Variants in HTR2C observed in about 807,000 individuals in gnomAD.
HTR2C encodes 5-hydroxytryptamine receptor 2C, also known as 5-hydroxytryptamine (serotonin) receptor 2C, G protein-coupled.
In HTR2C, 5 loss-of-function variants were observed where a neutral mutation model predicts 21.0. The ratio of observed to expected loss-of-function variants is 0.24; its 90% CI spans 0.12 to 0.50. HTR2C has a LOEUF of 0.50. HTR2C is among the 20% of genes least tolerant of loss of function. The pLI is 0.98. For synonymous variants in HTR2C, 150 were observed against 145.3 expected, an observed-to-expected ratio of 1.03 and a Z score of -0.23; for missense variants, 271 against 371.2, an observed-to-expected ratio of 0.73 and a Z score of 2.22.
At chrX:114,610,342 C>G (rs1928670502) in intron 1 of HTR2C, among the ~76,000 whole-genome samples, 2 of 112,014 alleles carry the variant, frequency 1.8e-5, no homozygotes, top group Non-Finnish European at 3.8e-5. Context: ...GCAACCTTAT[C>G]TATTAAATCT....
intron 2 of HTR2C, among the ~76,000 whole-genome samples, chrX:114,719,033 T>A (rs10217861): frequency 1.9e-5 from 2 of 103,265 alleles, no homozygotes; most frequent in South Asian, 3.8e-4. Context: ...AATAAAATAA[T>A]ATAATAATAT....
intron 4 of HTR2C, among the ~76,000 whole-genome samples, chrX:114,783,497 A>C (rs1428688132): frequency 8.9e-6 from 1 of 112,219 alleles, no homozygotes; most frequent in Admixed American, 9.5e-5. Flanking sequence ...AACTGACAGG[A>C]ATATGAAAAC....
chrX:114,594,652 G>A (rs1283714189), intron 1 of HTR2C, among the ~76,000 whole-genome samples: 1 of 111,283 alleles, frequency 9.0e-6, no homozygotes, highest in African/African-American at 3.3e-5. Context: ...AGCTCTAAAG[G>A]CTTCAGAAAG....
chrX:114,741,380 G>A (rs913934223), intron 4 of HTR2C, among the ~76,000 whole-genome samples: 5 of 104,411 alleles, frequency 4.8e-5, no homozygotes, highest in African/African-American at 1.7e-4. Flanking sequence ...TTAGCCAGGC[G>A]TGGTGACACA....
At chrX:114,641,921 GTGTGTGTT>G (rs1930148778) in intron 2 of HTR2C, among the ~76,000 whole-genome samples, 1 of 110,752 alleles carries the variant, frequency 9.0e-6, no homozygotes, top group African/African-American at 3.3e-5. Flanking sequence ...AAAAGCCCCA[GTGTGTGTT>G]GTTCCCCTCC....
chrX:114,807,300 GTATATACACCATATATCTATACCATA>G (rs2070478235), intron 4 of HTR2C, among the ~76,000 whole-genome samples: 2 of 10,054 alleles, frequency 2.0e-4, no homozygotes, highest in African/African-American at 7.1e-4. Flanking sequence ...TATATACCAT[GTATATACACCATATATCTATACCATA>G]TATATACACC....
At chrX:114,755,917 C>A (rs1445959309) in intron 4 of HTR2C, among the ~76,000 whole-genome samples, 1 of 110,103 alleles carries the variant, frequency 9.1e-6, no homozygotes, top group Non-Finnish European at 1.9e-5. Context: ...TGAGGACAGC[C>A]TGGGCAACAT....
rs181117488 is a variant in HTR2C, at chrX:114,621,116, A to G, written c.-80+7235A>G. Among the ~76,000 whole-genome samples, 26 of 112,086 alleles carry G rather than the reference A, an allele frequency of 2.3e-4. No homozygotes were observed. In the East Asian group the frequency reaches 4.8e-3, roughly 21 times the overall value. On this transcript the variant is annotated intron_variant, in intron 2 of 5. Transcript: ENST00000276198. ...GGATGGTCTCAAACTCCGGACCTCA[A>G]GTGTTCCACCTGTCTCAGCCTTCCA...
rs188205358 is a variant in HTR2C at position 114,807,268 on chromosome X, T to C, written c.350-40735T>C. On this transcript the variant is annotated intron_variant, in intron 4 of 5. Transcript: ENST00000276198. ...ACCATGTATATATACACCATATATA[T>C]ACCATGTATATATACACCATATATA... is the stretch of plus-strand genomic sequence containing the variant. Among the ~76,000 whole-genome samples, 81 of 95,216 alleles carry C rather than the reference T, an allele frequency of 8.5e-4. 2 individuals are homozygous for C. The highest frequency in any genetic ancestry group is 4.1e-3 in the African/African-American group (78 of 18,849). The allele number at this position is 95,216 out of a possible 115,157, so 82.7% of individuals were successfully genotyped here.
intron 4 of HTR2C, among the ~76,000 whole-genome samples, chrX:114,836,532 C>T (rs2070786436): frequency 1.8e-5 from 2 of 112,367 alleles, no homozygotes; most frequent in Admixed American, 9.4e-5. Flanking sequence ...CTTGCGCTTC[C>T]CAAGTGAGGC....
chrX:114,883,384 A>G (rs1556480328), intron 5 of HTR2C, among the ~76,000 whole-genome samples: 1 of 110,112 alleles, frequency 9.1e-6, no homozygotes, highest in Non-Finnish European at 1.9e-5. Flanking sequence ...CTTTATTTTC[A>G]TTAATTTTCT....
intron 4 of HTR2C, among the ~76,000 whole-genome samples, chrX:114,766,497 T>C (rs2069949096): frequency 9.0e-6 from 1 of 111,496 alleles, no homozygotes; most frequent in African/African-American, 3.2e-5. Context: ...GAATGGACTA[T>C]ATATCCATAA....
At chrX:114,744,677 C>T (rs967141110) in intron 4 of HTR2C, among the ~76,000 whole-genome samples, 1 of 110,641 alleles carries the variant, frequency 9.0e-6, no homozygotes, top group South Asian at 3.9e-4. Flanking sequence ...TGGTCTCGAT[C>T]TCCTGACCTC....
intron 2 of HTR2C, among the ~76,000 whole-genome samples, chrX:114,631,460 A>T (rs1556404289): frequency 2.7e-5 from 3 of 112,019 alleles, no homozygotes; most frequent in African/African-American, 9.7e-5. Context: ...CCTAGTCCAT[A>T]AAATAAGGTT....
chrX:114,758,691 A>G (rs1341630124), intron 4 of HTR2C, among the ~76,000 whole-genome samples: 3 of 112,320 alleles, frequency 2.7e-5, no homozygotes, highest in African/African-American at 9.7e-5. Flanking sequence ...AAATATTACT[A>G]AACAAATTAA....
At chrX:114,658,581 A>G (rs1025949935) in intron 2 of HTR2C, among the ~76,000 whole-genome samples, 4 of 111,479 alleles carry the variant, frequency 3.6e-5, no homozygotes, top group African/African-American at 1.3e-4. Context: ...GTGAAGCATT[A>G]AGGTATGAAA....
intron 1 of HTR2C, among the ~76,000 whole-genome samples, chrX:114,586,370 A>T (rs1927394893): frequency 8.9e-6 from 1 of 111,801 alleles, no homozygotes; most frequent in African/African-American, 3.3e-5. Flanking sequence ...TAGAATATTT[A>T]ATTATATTTT....
At chrX:114,846,892 A>G (rs2070877861) in intron 4 of HTR2C, among the ~76,000 whole-genome samples, 1 of 112,336 alleles carries the variant, frequency 8.9e-6, no homozygotes, top group Middle Eastern at 4.6e-3. Context: ...GATCTTATAT[A>G]TGGAAAATCC....
At chrX:114,664,573 G>A (rs1247329417) in intron 2 of HTR2C, among the ~76,000 whole-genome samples, 1 of 112,228 alleles carries the variant, frequency 8.9e-6, no homozygotes, top group Non-Finnish European at 1.9e-5. Context: ...TGGCTTCATA[G>A]TATTCCATGG....
Sources: allele counts gnomAD v4.1 joint callset (sites outside exome capture counted in the v4.1 genomes callset), GRCh38; gene constraint gnomAD v4.1.1; transcripts MANE v1.5; gene names NCBI Gene and HGNC (gene_info 2026-07-23, HGNC 2026-07-21).